The following SLC12A8 variants were observed in gnomAD, a reference collection of about 807,000 sequenced individuals.
SLC12A8 encodes solute carrier family 12 member 8.
SLC12A8 carries 69 observed loss-of-function variants against 75.6 expected under a neutral mutation model. That is an observed-to-expected ratio of 0.91 (90% CI 0.75 to 1.11). SLC12A8 has a LOEUF of 1.11. Among genes scored for constraint, SLC12A8 ranks in the 50% most tolerant of loss-of-function variants. The pLI is 0.00. For synonymous variants in SLC12A8, 365 were observed against 372.8 expected (o/e 0.98, Z 0.24); for missense variants, 877 against 896.7 (o/e 0.98, Z 0.28).
chr3:125,114,046 C>T lies in SLC12A8; in HGVS notation c.913-3711G>A, dbSNP rs74761784. The stretch of plus-strand genomic sequence containing the variant: ...TATTAATAAGGCCGAGTCTCAACAA[C>T]GCTTTTTTTCCTCCCACATCTCATT... On this transcript the variant is annotated intron_variant, in intron 8 of 13. Transcript: ENST00000469902. 9.4e-3 allele frequency among the ~76,000 whole-genome samples: 1,430 copies of T among 152,264 alleles called. 51 individuals carry two copies. In the South Asian group the frequency reaches 0.095, roughly 10 times the overall value.
chr3:125,137,482 A>C (rs570415721), intron 5 of SLC12A8, among the ~76,000 whole-genome samples: 1 of 152,364 alleles, frequency 6.6e-6, no homozygotes, highest in South Asian at 2.1e-4. Flanking sequence ...CTCACTGATG[A>C]GTCTTAAGGA....
chr3:125,121,284 G>A (rs1266231172), intron 6 of SLC12A8, among the ~76,000 whole-genome samples: 2 of 152,232 alleles, frequency 1.3e-5, no homozygotes, highest in African/African-American at 4.8e-5. Context: ...ATTAATCCAT[G>A]AGGGACCCAC....
intron 5 of SLC12A8, among the ~76,000 whole-genome samples, chr3:125,140,283 G>A (rs767739555): frequency 2.6e-5 from 4 of 152,254 alleles, no homozygotes; most frequent in East Asian, 3.9e-4. Flanking sequence ...ATACTTGTAC[G>A]ATGACTAACT....
chr3:125,101,926 T>C (rs558932103), intron 10 of SLC12A8, among the ~76,000 whole-genome samples: 4 of 152,352 alleles, frequency 2.6e-5, no homozygotes, highest in African/African-American at 7.2e-5. Flanking sequence ...TATGGGAATA[T>C]TGTGACGAGT....
intron 8 of SLC12A8, among the ~76,000 whole-genome samples, chr3:125,113,455 TCATC>T (rs556606128): frequency 6.6e-6 from 1 of 152,162 alleles, no homozygotes; most frequent in Non-Finnish European, 1.5e-5. Context: ...CTGTCATTTG[TCATC>T]CATCCATCCA....
chr3:125,110,091 G>A, intron 9 of SLC12A8, 98 bp downstream of exon 9: 2 of 1,258,770 alleles, frequency 1.6e-6, no homozygotes, highest in East Asian at 2.3e-5. Flanking sequence ...ATTGACCAGA[G>A]GCTCTGATCA....
chr3:125,099,203 T>G (rs1380598257), intron 10 of SLC12A8, among the ~76,000 whole-genome samples: 1 of 152,082 alleles, frequency 6.6e-6, no homozygotes, highest in Non-Finnish European at 1.5e-5. Context: ...AGGGGGCAAC[T>G]CCTAGGAAGC....
intron 2 of SLC12A8, among the ~76,000 whole-genome samples, chr3:125,193,795 A>C (rs1301445786): frequency 6.6e-6 from 1 of 152,104 alleles, no homozygotes; most frequent in African/African-American, 2.4e-5. Context: ...GCCACCACCC[A>C]GTCATTTCTG....
At chr3:125,146,326 T>C (rs930585705) in intron 5 of SLC12A8, among the ~76,000 whole-genome samples, 7 of 152,174 alleles carry the variant, frequency 4.6e-5, no homozygotes, top group African/African-American at 4.8e-5. Context: ...TTTGGGGTGA[T>C]GACAAAGTTT....
intron 5 of SLC12A8, among the ~76,000 whole-genome samples, chr3:125,169,175 A>T (rs748695682): frequency 6.6e-6 from 1 of 152,282 alleles, no homozygotes; most frequent in Non-Finnish European, 1.5e-5. Context: ...TTTTGGCATG[A>T]CACTCATCTT....
intron 2 of SLC12A8, among the ~76,000 whole-genome samples, chr3:125,193,562 G>C (rs532906679): frequency 6.6e-6 from 1 of 152,286 alleles, no homozygotes; most frequent in East Asian, 1.9e-4. Context: ...GTGCTCTCCC[G>C]TTCTCTTCAG....
chr3:125,092,216 A>C lies in SLC12A8; in HGVS notation c.1706-18T>G. On this transcript the variant is annotated intron_variant, in intron 10 of 13. Transcript: ENST00000469902. ...GAAGAAATCTAAAAAATAGCCAAAG[A>C]TTTGGCTGCCAAATTGCTATCAACT... 6.4e-7 allele frequency: 1 copy of C among 1,574,628 alleles called. No individual in the cohort carries two copies. The highest frequency in any genetic ancestry group is 8.7e-7 in the Non-Finnish European group (1 of 1,145,082).
chr3:125,124,036 C>G (rs1933129652), intron 6 of SLC12A8, among the ~76,000 whole-genome samples: 1 of 152,172 alleles, frequency 6.6e-6, no homozygotes, highest in Non-Finnish European at 1.5e-5. Flanking sequence ...TACTCCTCCC[C>G]CAGGTTCTGT....
At chr3:125,150,719 G>A (rs7634448) in intron 5 of SLC12A8, among the ~76,000 whole-genome samples, 3,885 of 152,166 alleles carry the variant, frequency 0.026, 104 homozygotes, top group South Asian at 0.072. Context: ...TGTACACTAG[G>A]GGGTAGGACT....
At chr3:125,106,522 G>T (rs1303571882) in intron 10 of SLC12A8, among the ~76,000 whole-genome samples, 15 of 152,134 alleles carry the variant, frequency 9.9e-5, no homozygotes, top group Non-Finnish European at 2.2e-4. Context: ...TCCTGCCTCA[G>T]CCTCATGAGT....
At chr3:125,150,586 G>A (rs377605787) in intron 5 of SLC12A8, among the ~76,000 whole-genome samples, 32 of 152,196 alleles carry the variant, frequency 2.1e-4, no homozygotes, top group African/African-American at 7.7e-4. Flanking sequence ...AGATAATTCC[G>A]ATACAGGAAA....
At chr3:125,140,441 T>A (rs1206733011) in intron 5 of SLC12A8, among the ~76,000 whole-genome samples, 1 of 152,154 alleles carries the variant, frequency 6.6e-6, no homozygotes, top group Non-Finnish European at 1.5e-5. Flanking sequence ...CTGCACCCCC[T>A]TACAGCACAG....
At position 125,174,147 on chromosome 3, in the gene SLC12A8, C is replaced by G. The variant is rs770902485; in HGVS notation, c.622+3596G>C. The stretch of plus-strand genomic sequence containing the variant: ...AAACAAACAAACAAACAAAAAAACA[C>G]AAGTTTTTTAAAAGGGCAAAAGATC... On this transcript the variant is annotated intron_variant, in intron 5 of 13. Transcript: ENST00000469902. 3.9e-4 allele frequency among the ~76,000 whole-genome samples: 59 copies of G among 152,224 alleles called. 2 individuals are homozygous for G. The Middle Eastern group carries it at 0.014, about 35-fold the overall frequency.
At chr3:125,188,623 CAT>C (rs1934844688) in intron 3 of SLC12A8, among the ~76,000 whole-genome samples, 1 of 152,306 alleles carries the variant, frequency 6.6e-6, no homozygotes, top group East Asian at 1.9e-4. Context: ...TGTAATGTCA[CAT>C]GTTTTGCAAT....
Sources: gnomAD v4.1 joint callset for allele counts (sites outside exome capture counted in the v4.1 genomes callset) on GRCh38, gnomAD v4.1.1 for gene constraint, MANE v1.5 for transcripts, NCBI Gene and HGNC (gene_info 2026-07-23, HGNC 2026-07-21) for gene names.